The following SCAPER variants were observed in gnomAD, a reference collection of about 807,000 sequenced individuals.
SCAPER encodes the protein S phase cyclin A-associated protein in the endoplasmic reticulum.
Under a neutral mutation model 182.2 loss-of-function variants are expected in SCAPER, and 98 were observed. The observed-to-expected ratio is 0.54, with a 90% CI of 0.46 to 0.64. The LOEUF (loss-of-function observed/expected upper bound fraction) is 0.64. SCAPER is among the 30% of genes least tolerant of loss of function. The pLI, the probability that SCAPER is intolerant of heterozygous loss-of-function variation, is 0.00. For synonymous variants in SCAPER, 605 were observed against 564.6 expected (o/e 1.07, Z -1.01); for missense variants, 1,432 against 1,690.0 (o/e 0.85, Z 2.68).
intron 5 of SCAPER, among the ~76,000 whole-genome samples, chr15:76,811,300 C>T (rs2066601322): frequency 6.6e-6 from 1 of 151,958 alleles, no homozygotes; most frequent in Admixed American, 6.6e-5. Context: ...TGTTTTCCAA[C>T]CGCAATTGAA....
chr15:76,850,189 G>T (rs1438491799), intron 4 of SCAPER, among the ~76,000 whole-genome samples: 2 of 152,172 alleles, frequency 1.3e-5, no homozygotes, highest in African/African-American at 4.8e-5. Flanking sequence ...CTTGCACAAA[G>T]CTTGAGTCCT....
intron 17 of SCAPER, among the ~76,000 whole-genome samples, chr15:76,719,319 T>C (rs1464651516): frequency 6.6e-6 from 1 of 152,118 alleles, no homozygotes; most frequent in Non-Finnish European, 1.5e-5. Flanking sequence ...CTCACTTATA[T>C]GTGAAATCTT....
chr15:76,875,850 T>C (rs897870479), intron 2 of SCAPER, among the ~76,000 whole-genome samples: 1 of 152,160 alleles, frequency 6.6e-6, no homozygotes, highest in South Asian at 2.1e-4. Flanking sequence ...GCAGCAAGAT[T>C]CACTGCAAAG....
intron 17 of SCAPER, among the ~76,000 whole-genome samples, chr15:76,717,336 A>G (rs1345515792): frequency 6.6e-6 from 1 of 152,164 alleles, no homozygotes; most frequent in African/African-American, 2.4e-5. Flanking sequence ...GGATACACAT[A>G]AAGTATAAGA....
At chr15:76,655,009 A>T (rs113957933) in intron 21 of SCAPER, among the ~76,000 whole-genome samples, 1 of 152,220 alleles carries the variant, frequency 6.6e-6, no homozygotes, top group African/African-American at 2.4e-5. Context: ...TCTTACCTCA[A>T]AACAACAGCA....
chr15:76,361,901 A>G (rs972465404), intron 29 of SCAPER, among the ~76,000 whole-genome samples: 1 of 152,340 alleles, frequency 6.6e-6, no homozygotes, highest in Admixed American at 6.5e-5. Context: ...TACATAATAC[A>G]TTCAGCATAA....
intron 8 of SCAPER, among the ~76,000 whole-genome samples, chr15:76,781,728 C>G (rs1476266238): frequency 6.6e-6 from 1 of 152,098 alleles, no homozygotes; most frequent in Non-Finnish European, 1.5e-5. Context: ...CAGTGGGGGC[C>G]AATATTCAAC....
chr15:76,392,000 A>G (rs370445110), intron 27 of SCAPER, among the ~76,000 whole-genome samples: 1 of 152,190 alleles, frequency 6.6e-6, no homozygotes, highest in Non-Finnish European at 1.5e-5. Context: ...ATCTACTCAG[A>G]TTGCTGGAAT....
At chr15:76,788,203 G>A (rs996524153) in intron 8 of SCAPER, among the ~76,000 whole-genome samples, 7 of 152,094 alleles carry the variant, frequency 4.6e-5, no homozygotes, top group East Asian at 1.9e-4. Flanking sequence ...GTGGGGTTAC[G>A]GGATAGCAAA....
chr15:76,533,035 A>G (rs577588669), intron 23 of SCAPER, among the ~76,000 whole-genome samples: 2 of 152,392 alleles, frequency 1.3e-5, no homozygotes, highest in African/African-American at 4.8e-5. Flanking sequence ...ATAAGTAATT[A>G]TATTATGCAG....
At position 76,635,859 on chromosome 15, in the gene SCAPER, T is replaced by C. The variant is rs192636139; in HGVS notation, c.2646-14030A>G. 9.1e-4 allele frequency among the ~76,000 whole-genome samples: 139 copies of C among 152,358 alleles called. 2 individuals are homozygous for C. The highest frequency in any genetic ancestry group is 3.3e-3 in the African/African-American group (136 of 41,594). On this transcript the variant is annotated intron_variant, in intron 21 of 31. Transcript: ENST00000563290. ...CATTCTATTAATATGGTATATTATA[T>C]TGTGTGACTTTTTTCTATGTCAACT...
intron 11 of SCAPER, 29 bp downstream of exon 11, chr15:76,766,889 T>C: frequency 6.4e-7 from 1 of 1,563,712 alleles, no homozygotes; most frequent in African/African-American, 1.4e-5. Flanking sequence ...AAATTTTGAA[T>C]AGTTATGTTA....
intron 21 of SCAPER, among the ~76,000 whole-genome samples, chr15:76,638,155 C>T (rs1204603048): frequency 6.6e-6 from 1 of 151,708 alleles, no homozygotes; most frequent in African/African-American, 2.4e-5. Flanking sequence ...TGATTTAATC[C>T]AATTTATGTT....
chr15:76,622,336 T>A (rs1463379332), intron 21 of SCAPER, among the ~76,000 whole-genome samples: 1 of 152,018 alleles, frequency 6.6e-6, no homozygotes, highest in Non-Finnish European at 1.5e-5. Context: ...ATCCAAAGGA[T>A]CCTGTTGTCA....
At chr15:76,369,655 G>C (rs571524341) in intron 29 of SCAPER, among the ~76,000 whole-genome samples, 1 of 152,280 alleles carries the variant, frequency 6.6e-6, no homozygotes, top group South Asian at 2.1e-4. Context: ...GCAAATGCTC[G>C]CTTAGCAAAT....
At chr15:76,713,072 G>T (rs963693361) in intron 17 of SCAPER, among the ~76,000 whole-genome samples, 1 of 152,054 alleles carries the variant, frequency 6.6e-6, no homozygotes, top group African/African-American at 2.4e-5. Context: ...ATTGGCTGTG[G>T]GTTTGTCATA....
intron 29 of SCAPER, among the ~76,000 whole-genome samples, chr15:76,359,550 T>C (rs371512151): frequency 1.3e-5 from 2 of 152,240 alleles, no homozygotes; most frequent in African/African-American, 4.8e-5. Flanking sequence ...TGTGTTAGGC[T>C]TGTCAACCTG....
At chr15:76,436,189 T>C (rs1373714168) in intron 25 of SCAPER, among the ~76,000 whole-genome samples, 1 of 152,144 alleles carries the variant, frequency 6.6e-6, no homozygotes, top group Non-Finnish European at 1.5e-5. Flanking sequence ...TGCCTCAGCC[T>C]CCTGAGTAGC....
At chr15:76,668,978 A>AT (rs2056820837) in intron 20 of SCAPER, among the ~76,000 whole-genome samples, 1 of 152,206 alleles carries the variant, frequency 6.6e-6, no homozygotes, top group Non-Finnish European at 1.5e-5. Flanking sequence ...TATTATCCTC[A>AT]TTTTAACTAT....
Sources: allele counts gnomAD v4.1 joint callset (sites outside exome capture counted in the v4.1 genomes callset), GRCh38; gene constraint gnomAD v4.1.1; transcripts MANE v1.5; gene names NCBI Gene and HGNC (gene_info 2026-07-23, HGNC 2026-07-21).